The following TENM3 variants were observed in gnomAD, a reference collection of about 807,000 sequenced individuals.
The protein encoded by TENM3 is teneurin transmembrane protein 3.
TENM3 carries 63 observed loss-of-function variants against 255.1 expected under a neutral mutation model. The observed-to-expected ratio is 0.25, with a 90% confidence interval of 0.20 to 0.30. The LOEUF (loss-of-function observed/expected upper bound fraction) is 0.30. TENM3 is among the 10% of genes least tolerant of loss of function. The pLI is 1.00. For synonymous variants in TENM3, 1,306 were observed against 1,322.3 expected (o/e 0.99, Z 0.27); for missense variants, 2,929 against 3,461.1 (o/e 0.85, Z 3.86).
chr4:181,778,083 T>C, the TENM3 span, among the ~76,000 whole-genome samples: 1 of 152,156 alleles, frequency 6.6e-6, no homozygotes, highest in African/African-American at 2.4e-5. Context: ...TGCTCAACAA[T>C]GTATACCAAA....
chr4:182,315,500 T>C (rs770789172), intron 1 of TENM3, among the ~76,000 whole-genome samples: 2 of 152,186 alleles, frequency 1.3e-5, no homozygotes, highest in Admixed American at 6.5e-5. Flanking sequence ...CTTTTTCCTG[T>C]GTCTGCCTTT....
chr4:182,083,384 A>T, the TENM3 span, among the ~76,000 whole-genome samples: 2 of 152,210 alleles, frequency 1.3e-5, no homozygotes, highest in Non-Finnish European at 2.9e-5. Context: ...TATATCTATC[A>T]TTCTGACATT....
chr4:182,131,917 A>G, the TENM3 span, among the ~76,000 whole-genome samples: 1 of 145,972 alleles, frequency 6.9e-6, no homozygotes, highest in Non-Finnish European at 1.5e-5. Context: ...TCTTTCAAAG[A>G]GGATTACCAA....
the TENM3 span, among the ~76,000 whole-genome samples, chr4:181,810,669 A>T: frequency 2.0e-5 from 3 of 152,138 alleles, no homozygotes; most frequent in Non-Finnish European, 4.4e-5. Context: ...AACAAAATGT[A>T]GACAGAAAAG....
the TENM3 span, among the ~76,000 whole-genome samples, chr4:181,579,793 A>G: frequency 4.1e-4 from 63 of 152,136 alleles, no homozygotes; most frequent in African/African-American, 1.3e-3. Context: ...ACCTCCAGGA[A>G]GAAGAGACTA....
intron 3 of TENM3, among the ~76,000 whole-genome samples, chr4:182,525,321 C>T (rs1200209347): frequency 2.0e-5 from 3 of 152,224 alleles, no homozygotes; most frequent in Non-Finnish European, 4.4e-5. Context: ...CTGCTGGTTG[C>T]AGACATAAAT....
chr4:182,706,689 A>G (rs548389318), intron 12 of TENM3, among the ~76,000 whole-genome samples: 36 of 152,304 alleles, frequency 2.4e-4, no homozygotes, highest in African/African-American at 8.4e-4. Flanking sequence ...TTAGCCAGGC[A>G]CAGTGACTCA....
chr4:182,047,022 C>A, the TENM3 span, among the ~76,000 whole-genome samples: 1 of 151,876 alleles, frequency 6.6e-6, no homozygotes, highest in Non-Finnish European at 1.5e-5. Context: ...GAAAGCTTTA[C>A]CTCTAGGAAA....
chr4:182,433,084 C>T (rs1771782877), intron 3 of TENM3, among the ~76,000 whole-genome samples: 1 of 152,038 alleles, frequency 6.6e-6, no homozygotes, highest in African/African-American at 2.4e-5. Context: ...TATGATACTG[C>T]ATTCAAGTGA....
chr4:181,758,332 C>T, the TENM3 span, among the ~76,000 whole-genome samples: 1 of 152,176 alleles, frequency 6.6e-6, no homozygotes, highest in South Asian at 2.1e-4. Flanking sequence ...TCTTAGCTTG[C>T]TCAACAAAGA....
chr4:181,658,799 A>G, the TENM3 span, among the ~76,000 whole-genome samples: 1 of 152,356 alleles, frequency 6.6e-6, no homozygotes, highest in African/African-American at 2.4e-5. Flanking sequence ...AAAACAAAAA[A>G]GAAAACACTG....
the TENM3 span, among the ~76,000 whole-genome samples, chr4:181,690,355 A>G: frequency 6.6e-6 from 1 of 152,170 alleles, no homozygotes; most frequent in Non-Finnish European, 1.5e-5. Flanking sequence ...GCTTTGTAAA[A>G]AAGCTCTGTG....
At chr4:181,547,766 CT>C in the TENM3 span, among the ~76,000 whole-genome samples, 9 of 151,110 alleles carry the variant, frequency 6.0e-5, no homozygotes, top group African/African-American at 9.7e-5. Flanking sequence ...GATATCCCAA[CT>C]TTTTTTTTAC....
chr4:181,743,246 G>A, the TENM3 span, among the ~76,000 whole-genome samples: 2 of 152,116 alleles, frequency 1.3e-5, no homozygotes, highest in South Asian at 2.1e-4. Context: ...CTGAGGAATC[G>A]CCACACTGAC....
the TENM3 span, among the ~76,000 whole-genome samples, chr4:181,512,502 A>C: frequency 3.9e-5 from 6 of 152,186 alleles, no homozygotes; most frequent in Non-Finnish European, 8.8e-5. Flanking sequence ...TCAGACTTTC[A>C]TGCTGTCTGG....
At chr4:182,137,237 T>C in the TENM3 span, among the ~76,000 whole-genome samples, 3 of 152,114 alleles carry the variant, frequency 2.0e-5, no homozygotes. Flanking sequence ...CTTCTTGGGA[T>C]TTTGTGTTAA....
At chr4:182,756,827 TTC>T (rs1372457400) in intron 22 of TENM3, among the ~76,000 whole-genome samples, 2 of 152,196 alleles carry the variant, frequency 1.3e-5, no homozygotes, top group Non-Finnish European at 2.9e-5. Context: ...TACATTAAAA[TTC>T]TGTTCTTAGC....
chr4:182,436,600 G>A (rs1379062631), intron 3 of TENM3, among the ~76,000 whole-genome samples: 1 of 152,166 alleles, frequency 6.6e-6, no homozygotes, highest in Non-Finnish European at 1.5e-5. Flanking sequence ...TACACCTTCG[G>A]TAGGAAGAAT....
At chr4:182,117,818 T>C in the TENM3 span, among the ~76,000 whole-genome samples, 3 of 151,176 alleles carry the variant, frequency 2.0e-5, no homozygotes, top group African/African-American at 7.3e-5. Flanking sequence ...CTCTAAGTTA[T>C]GCACAAAAAA....
Sources: allele counts gnomAD v4.1 joint callset (sites outside exome capture counted in the v4.1 genomes callset), GRCh38; gene constraint gnomAD v4.1.1; transcripts MANE v1.5; gene names NCBI Gene and HGNC (gene_info 2026-07-23, HGNC 2026-07-21).